Variants in TSHZ1 observed in about 807,000 individuals in gnomAD.
TSHZ1 encodes the protein teashirt homolog 1.
A neutral mutation model predicts 67.1 loss-of-function variants in TSHZ1; 12 were observed. That is an observed-to-expected ratio of 0.18 (90% CI 0.11 to 0.29). TSHZ1 has a LOEUF of 0.29. Among genes scored for constraint, TSHZ1 ranks in the 10% least tolerant of loss-of-function variants. TSHZ1 has a pLI of 1.00. For synonymous variants in TSHZ1, 632 were observed against 622.4 expected, an observed-to-expected ratio of 1.02 and a Z score of -0.23; for missense variants, 1,305 against 1,413.9, an observed-to-expected ratio of 0.92 and a Z score of 1.23.
At chr18:75,276,648 T>C (rs1025607118) in intron 1 of TSHZ1, among the ~76,000 whole-genome samples, 3 of 152,226 alleles carry the variant, frequency 2.0e-5, no homozygotes, top group Admixed American at 6.5e-5. Context: ...CTTTTGTGAA[T>C]TGGCCCCTTG....
chr18:75,265,992 A>G (rs1204536427), intron 1 of TSHZ1, among the ~76,000 whole-genome samples: 2 of 152,222 alleles, frequency 1.3e-5, no homozygotes, highest in Non-Finnish European at 2.9e-5. Context: ...GAAACTCTTA[A>G]TTAAAGCAAA....
intron 1 of TSHZ1, among the ~76,000 whole-genome samples, chr18:75,251,884 TC>T (rs1462282991): frequency 6.6e-6 from 1 of 152,222 alleles, no homozygotes; most frequent in Non-Finnish European, 1.5e-5. Flanking sequence ...ATACTTGCAG[TC>T]CCCACCTTCT....
At chr18:75,263,641 T>C (rs1026639012) in intron 1 of TSHZ1, among the ~76,000 whole-genome samples, 1 of 152,236 alleles carries the variant, frequency 6.6e-6, no homozygotes, top group African/African-American at 2.4e-5. Flanking sequence ...AGAGATGGTA[T>C]TTTTTGTTTG....
chr18:75,273,220 G>A (rs887361419), intron 1 of TSHZ1, among the ~76,000 whole-genome samples: 5 of 152,212 alleles, frequency 3.3e-5, no homozygotes, highest in African/African-American at 9.7e-5. Context: ...TAACAGTGAG[G>A]CAGCGTTCTG....
At position 75,286,795 on chromosome 18, in the gene TSHZ1, A is replaced by G; in HGVS notation, c.1388A>G (p.Glu463Gly). 1.2e-6 allele frequency: 2 copies of G among 1,613,728 alleles called. No individual in the cohort carries two copies. Among genetic ancestry groups the G allele is most frequent in the Non-Finnish European group, 1.7e-6 (2 of 1,180,022 alleles). ...TTGGTGCTGGACCCTGTGGTGGAAG[A>G]GAAGATCCAGTCCATCCCACTACCG... is the stretch of plus-strand genomic sequence containing the variant. The part of the protein sequence containing the change: ...KQLVLDPVVE[E>G]KIQSIPLPPT... The change falls in exon 2 of 2, where the codon GAG (glutamate) becomes GGG (glycine). Residue 463 changes from glutamate (E) to glycine (G), a missense_variant. Glu to Gly is a moderately conservative substitution (Grantham distance 98). This residue lies in a region of TSHZ1 where 909 missense variants were observed against 961.8 expected (regional missense o/e 0.95). Coordinates refer to ENST00000580243, the MANE Select transcript of TSHZ1 (RefSeq NM_001308210.2). The surrounding 1 kb of genome is among the most constrained non-coding windows in gnomAD (Gnocchi z 5.1).
At chr18:75,243,355 G>A (rs1241029436) in intron 1 of TSHZ1, among the ~76,000 whole-genome samples, 1 of 152,178 alleles carries the variant, frequency 6.6e-6, no homozygotes, top group Non-Finnish European at 1.5e-5. Context: ...AATGATGAGC[G>A]GGACGGATCT....
At chr18:75,214,540 T>C (rs1033646233) in intron 1 of TSHZ1, among the ~76,000 whole-genome samples, 1 of 152,230 alleles carries the variant, frequency 6.6e-6, no homozygotes, top group African/African-American at 2.4e-5. Context: ...TAAAGCTGCA[T>C]GTTGGCCTGC....
intron 1 of TSHZ1, among the ~76,000 whole-genome samples, chr18:75,265,045 A>G (rs1046051739): frequency 3.9e-5 from 6 of 152,210 alleles, no homozygotes; most frequent in Admixed American, 2.6e-4. Flanking sequence ...TTTTAATTTC[A>G]TAGAGCAATT....
In TSHZ1 at chr18:75,285,771, A is replaced by C. The variant is rs961736592; in HGVS notation, c.364A>C (p.Asn122His). The change falls in exon 2 of 2, where the codon AAC becomes CAC. Residue 122 changes from asparagine to histidine, a missense_variant. Transcript: ENST00000580243. ...GGCACAGATCAAAGCTGTGTATGCA[A>C]ACTTGTTCTCCGAGTCCTGCTGGTC... ...SLAQIKAVYA[N>H]LFSESCWSSL... The C allele has an allele frequency of 1.9e-6, 3 of 1,614,068 alleles. No individual in the cohort carries two copies. The highest frequency in any genetic ancestry group is 2.5e-6 in the Non-Finnish European group (3 of 1,180,000).
intron 1 of TSHZ1, among the ~76,000 whole-genome samples, chr18:75,255,111 AT>A (rs2023347509): frequency 6.6e-6 from 1 of 152,140 alleles, no homozygotes; most frequent in South Asian, 2.1e-4. Context: ...TTTGAATTGA[AT>A]TTGCTGGAAA....
intron 1 of TSHZ1, among the ~76,000 whole-genome samples, chr18:75,213,376 G>C (rs1453419724): frequency 6.6e-6 from 1 of 152,198 alleles, no homozygotes; most frequent in Non-Finnish European, 1.5e-5. Flanking sequence ...CTATGCCACT[G>C]GTAGCCCCCA....
At chr18:75,213,465 G>A (rs1249197940) in intron 1 of TSHZ1, among the ~76,000 whole-genome samples, 1 of 152,150 alleles carries the variant, frequency 6.6e-6, no homozygotes, top group Non-Finnish European at 1.5e-5. Flanking sequence ...TTCACAGTTA[G>A]AGGGATTTTT....
At chr18:75,222,546 G>T (rs970702762) in intron 1 of TSHZ1, among the ~76,000 whole-genome samples, 2 of 152,046 alleles carry the variant, frequency 1.3e-5, no homozygotes, top group African/African-American at 4.8e-5. Flanking sequence ...GGGATGGTCC[G>T]GGGCTTGAGC....
rs553281129 is a variant in TSHZ1 at position 75,271,417 on chromosome 18, G to A, written c.41-14031G>A. Among the ~76,000 whole-genome samples, 112 of 152,194 alleles carry A rather than the reference G, an allele frequency of 7.4e-4. 2 individuals are homozygous for A. In the South Asian group the frequency reaches 0.021, roughly 28 times the overall value. On this transcript the variant is annotated intron_variant, in intron 1 of 1. Transcript: ENST00000580243. ...TTTTAGCTGGGAAACTTTATCTCTC[G>A]CTTCACTCAAGGATGCAAATGAAGA...
intron 1 of TSHZ1, among the ~76,000 whole-genome samples, chr18:75,224,933 T>A (rs776080743): frequency 1.8e-4 from 27 of 152,254 alleles, no homozygotes; most frequent in Middle Eastern, 6.8e-3. Context: ...ATTGCACCCA[T>A]CTTTAGCACC....
intron 1 of TSHZ1, among the ~76,000 whole-genome samples, chr18:75,232,113 A>G (rs2023007048): frequency 6.6e-6 from 1 of 150,592 alleles, no homozygotes; most frequent in East Asian, 2.0e-4. Flanking sequence ...GGGTTTCTCC[A>G]TGTTTGTCAG....
chr18:75,271,594 C>T (rs2023558012), intron 1 of TSHZ1, among the ~76,000 whole-genome samples: 1 of 152,172 alleles, frequency 6.6e-6, no homozygotes, highest in African/African-American at 2.4e-5. Context: ...TGTGCCCGTG[C>T]CTATCTGAAG....
intron 1 of TSHZ1, among the ~76,000 whole-genome samples, chr18:75,258,384 C>T (rs1028141075): frequency 3.9e-5 from 6 of 152,126 alleles, no homozygotes; most frequent in African/African-American, 1.2e-4. Flanking sequence ...CATGTAGTAA[C>T]GGTTGCTTTC....
chr18:75,256,244 G>T (rs903015884), intron 1 of TSHZ1, among the ~76,000 whole-genome samples: 1 of 152,130 alleles, frequency 6.6e-6, no homozygotes, highest in Admixed American at 6.5e-5. Context: ...TATAAATTAG[G>T]TTCCATTTCT....
Sources: allele counts gnomAD v4.1 joint callset (sites outside exome capture counted in the v4.1 genomes callset), GRCh38; gene constraint gnomAD v4.1.1; regional missense constraint gnomAD v4.1.1; non-coding constraint Gnocchi (gnomAD v3.1); transcripts MANE v1.5; gene names NCBI Gene and HGNC (gene_info 2026-07-23, HGNC 2026-07-21).